The following ST8SIA1 variants were observed in gnomAD, a reference collection of about 807,000 sequenced individuals.
ST8SIA1 encodes the protein ST8 alpha-N-acetyl-neuraminide alpha-2,8-sialyltransferase 1, also known as alpha-N-acetylneuraminide alpha-2,8-sialyltransferase.
ST8SIA1 carries 16 observed loss-of-function variants against 35.9 expected under a neutral mutation model. That is an observed-to-expected ratio of 0.45 (90% confidence interval 0.30 to 0.68). The LOEUF (loss-of-function observed/expected upper bound fraction) is 0.68. Among genes scored for constraint, ST8SIA1 ranks in the 30% least tolerant of loss-of-function variants. The pLI, the probability that ST8SIA1 is intolerant of heterozygous loss-of-function variation, is 0.09. For synonymous variants in ST8SIA1, 170 were observed against 169.6 expected (o/e 1.00, Z -0.02); for missense variants, 383 against 453.6 (o/e 0.84, Z 1.41).
At chr12:22,285,908 T>A (rs1175323247) in intron 2 of ST8SIA1, among the ~76,000 whole-genome samples, 1 of 122,324 alleles carries the variant, frequency 8.2e-6, no homozygotes, top group African/African-American at 3.2e-5. Flanking sequence ...GACATTTCCA[T>A]GCATTATCTA....
intron 1 of ST8SIA1, among the ~76,000 whole-genome samples, chr12:22,317,282 TG>T (rs1866533287): frequency 6.6e-6 from 1 of 152,184 alleles, no homozygotes; most frequent in Non-Finnish European, 1.5e-5. Context: ...ATTTATTACG[TG>T]ATTTGATTTT....
chr12:22,220,811 T>C (rs1420304728), intron 4 of ST8SIA1, among the ~76,000 whole-genome samples: 24 of 152,210 alleles, frequency 1.6e-4, no homozygotes, highest in Admixed American at 1.6e-3. Context: ...CCTTGGGACC[T>C]GGCACTGGTG....
chr12:22,325,904 G>A (rs1443667809), intron 1 of ST8SIA1: 1 of 700,580 alleles, frequency 1.4e-6, no homozygotes, highest in African/African-American at 1.8e-5. Context: ...AGTGACTCAT[G>A]GGCAGCAAGT....
chr12:22,261,369 T>A (rs1290151171), intron 2 of ST8SIA1, among the ~76,000 whole-genome samples: 2 of 152,168 alleles, frequency 1.3e-5, no homozygotes, highest in African/African-American at 4.8e-5. Flanking sequence ...CTTCAGGTGA[T>A]CTGCCTGCCT....
At chr12:22,269,166 G>A (rs1177502512) in intron 2 of ST8SIA1, among the ~76,000 whole-genome samples, 1 of 151,920 alleles carries the variant, frequency 6.6e-6, no homozygotes, top group African/African-American at 2.4e-5. Flanking sequence ...GACACAGTAG[G>A]AAAATACATG....
intron 4 of ST8SIA1, among the ~76,000 whole-genome samples, chr12:22,205,994 T>TA (rs1565566379): frequency 6.6e-6 from 1 of 152,104 alleles, no homozygotes; most frequent in Non-Finnish European, 1.5e-5. Context: ...GATACATTGA[T>TA]ATGAAAATGG....
At chr12:22,275,078 G>A (rs1221439890) in intron 2 of ST8SIA1, among the ~76,000 whole-genome samples, 2 of 152,142 alleles carry the variant, frequency 1.3e-5, no homozygotes, top group African/African-American at 2.4e-5. Flanking sequence ...ACTTGGGAGA[G>A]GGAACTGGGA....
chr12:22,251,888 T>A (rs1274259901), intron 3 of ST8SIA1, among the ~76,000 whole-genome samples: 1 of 152,182 alleles, frequency 6.6e-6, no homozygotes, highest in Non-Finnish European at 1.5e-5. Flanking sequence ...ATTACTTTAA[T>A]TTTTTTGTAT....
At chr12:22,332,459 C>T (rs1159484836) in intron 1 of ST8SIA1, among the ~76,000 whole-genome samples, 1 of 152,206 alleles carries the variant, frequency 6.6e-6, no homozygotes, top group East Asian at 1.9e-4. Flanking sequence ...AAGTTCTTAA[C>T]TCATTTCCTT....
rs145168683 is a variant in ST8SIA1 at position 22,241,824 on chromosome 12, G to A, written c.584+7182C>T. On this transcript the variant is annotated intron_variant, in intron 4 of 4. Transcript: ENST00000396037. ...ATCTCATTCAACTTTGTAATGTCAT[G>A]TCCCAGAGTAGATTTCAAGAAATAT... 1.5e-4 allele frequency among the ~76,000 whole-genome samples: 23 copies of A among 152,006 alleles called. No individual in the cohort carries two copies. In the East Asian group the frequency reaches 4.3e-3, roughly 28 times the overall value.
intron 1 of ST8SIA1, among the ~76,000 whole-genome samples, chr12:22,295,513 GC>G (rs1233495141): frequency 3.3e-5 from 5 of 152,144 alleles, no homozygotes; most frequent in Admixed American, 3.3e-4. Flanking sequence ...CGGGAAGACA[GC>G]TTGAGCCCAG....
intron 1 of ST8SIA1, among the ~76,000 whole-genome samples, chr12:22,297,335 T>C (rs1253267548): frequency 6.6e-6 from 1 of 150,978 alleles, no homozygotes; most frequent in Non-Finnish European, 1.5e-5. Flanking sequence ...GTCAGCTCCA[T>C]GGACTCATCC....
chr12:22,322,202 A>C (rs2728825), intron 1 of ST8SIA1, among the ~76,000 whole-genome samples: 71,747 of 152,000 alleles, frequency 0.47, 18,696 homozygotes, highest in African/African-American at 0.69. Context: ...CTGAAAGCTA[A>C]GGCAAACCTG....
intron 1 of ST8SIA1, among the ~76,000 whole-genome samples, chr12:22,315,501 C>T (rs1214669197): frequency 6.6e-6 from 1 of 152,022 alleles, no homozygotes; most frequent in Non-Finnish European, 1.5e-5. Flanking sequence ...TTTCCATTTC[C>T]CCACAAGAAT....
intron 1 of ST8SIA1, among the ~76,000 whole-genome samples, chr12:22,320,170 T>G (rs1866567859): frequency 6.6e-6 from 1 of 152,188 alleles, no homozygotes; most frequent in Admixed American, 6.5e-5. Context: ...ACATCTATAA[T>G]GCATCTATTT....
At chr12:22,333,927 C>A (rs1866805563) in intron 1 of ST8SIA1, 70 bp downstream of exon 1, 1 of 1,385,544 alleles carries the variant, frequency 7.2e-7, no homozygotes, top group East Asian at 2.3e-5. Flanking sequence ...CGGTCCTCGC[C>A]GGTGACCCTG....
At chr12:22,271,284 A>G (rs16924850) in intron 2 of ST8SIA1, among the ~76,000 whole-genome samples, 13,957 of 152,284 alleles carry the variant, frequency 0.092, 779 homozygotes, top group East Asian at 0.15. Flanking sequence ...CAGAAAGTTC[A>G]GAGTTGGCCA....
At chr12:22,217,913 T>C (rs928127309) in intron 4 of ST8SIA1, among the ~76,000 whole-genome samples, 5 of 152,242 alleles carry the variant, frequency 3.3e-5, no homozygotes, top group East Asian at 1.9e-4. Context: ...TTTGTTTATA[T>C]AGGCATTATC....
At chr12:22,219,460 T>C (rs1057376929) in intron 4 of ST8SIA1, among the ~76,000 whole-genome samples, 7 of 152,168 alleles carry the variant, frequency 4.6e-5, no homozygotes, top group East Asian at 1.9e-4. Flanking sequence ...AGAGCCAGGA[T>C]AGGGTGGAGG....
Sources: allele counts gnomAD v4.1 joint callset (sites outside exome capture counted in the v4.1 genomes callset), GRCh38; gene constraint gnomAD v4.1.1; transcripts MANE v1.5; gene names NCBI Gene and HGNC (gene_info 2026-07-23, HGNC 2026-07-21).